Variants in ADGRL3 observed in about 807,000 individuals in gnomAD.
ADGRL3 encodes calcium-independent alpha-latrotoxin receptor 3.
A neutral mutation model predicts 153.5 loss-of-function variants in ADGRL3; 62 were observed. That is an observed-to-expected ratio of 0.40 (90% confidence interval 0.33 to 0.50). The LOEUF (loss-of-function observed/expected upper bound fraction) is 0.50. Ranked by LOEUF, ADGRL3 falls within the 20% of genes least tolerant of loss-of-function variation. The pLI is 0.47. For missense variants in ADGRL3, 1,641 were observed against 1,859.4 expected, an observed-to-expected ratio of 0.88 and a Z score of 2.16; for synonymous variants, 710 against 672.5, an observed-to-expected ratio of 1.06 and a Z score of -0.86.
At chr4:62,069,804 C>T (rs570582392) in intron 26 of ADGRL3, among the ~76,000 whole-genome samples, 12 of 152,134 alleles carry the variant, frequency 7.9e-5, no homozygotes, top group Non-Finnish European at 1.6e-4. Flanking sequence ...AAATATACTT[C>T]AAATAATGTC....
chr4:61,973,935 C>T (rs1437147657), intron 17 of ADGRL3, among the ~76,000 whole-genome samples: 1 of 152,096 alleles, frequency 6.6e-6, no homozygotes, highest in Admixed American at 6.5e-5. Context: ...AATCTGCTGT[C>T]TTCATCTGCT....
chr4:61,336,762 A>G (rs2095685229), intron 1 of ADGRL3, among the ~76,000 whole-genome samples: 1 of 151,620 alleles, frequency 6.6e-6, no homozygotes, highest in South Asian at 2.1e-4. Flanking sequence ...CTCCATTACG[A>G]CTGGGTTTTG....
intron 8 of ADGRL3, among the ~76,000 whole-genome samples, chr4:61,755,158 G>C (rs1267095496): frequency 3.9e-5 from 6 of 152,086 alleles, no homozygotes; most frequent in Non-Finnish European, 5.9e-5. Flanking sequence ...TGGGTCAAAT[G>C]GTATTTCTAG....
At chr4:61,438,707 TTTC>T (rs2097485768) in intron 2 of ADGRL3, among the ~76,000 whole-genome samples, 2 of 42,324 alleles carry the variant, frequency 4.7e-5, no homozygotes, top group Non-Finnish European at 1.1e-4. Flanking sequence ...ACGATCTTTC[TTTC>T]TTTTTTTTTT....
At chr4:61,253,899 A>T (rs10015703) in intron 1 of ADGRL3, among the ~76,000 whole-genome samples, 3,646 of 152,268 alleles carry the variant, frequency 0.024, 140 homozygotes, top group African/African-American at 0.08. Context: ...TGATCTCTAA[A>T]TGCTCTTGCA....
chr4:61,388,138 C>T (rs763038037), intron 2 of ADGRL3, among the ~76,000 whole-genome samples: 1 of 152,044 alleles, frequency 6.6e-6, no homozygotes, highest in South Asian at 2.1e-4. Flanking sequence ...ATAAAATACA[C>T]AAAACAACTG....
chr4:61,763,700 AGTATT>A (rs2096939747), intron 8 of ADGRL3, among the ~76,000 whole-genome samples: 1 of 152,186 alleles, frequency 6.6e-6, no homozygotes, highest in African/African-American at 2.4e-5. Flanking sequence ...TGAATGTTTC[AGTATT>A]GTATTCTATT....
chr4:61,705,468 A>G (rs575596176), intron 6 of ADGRL3, among the ~76,000 whole-genome samples: 1 of 148,536 alleles, frequency 6.7e-6, no homozygotes, highest in East Asian at 2.0e-4. Context: ...TATATAAGTT[A>G]TAGATTACAT....
chr4:61,744,012 T>C (rs1247913181), intron 8 of ADGRL3, among the ~76,000 whole-genome samples: 4 of 152,142 alleles, frequency 2.6e-5, no homozygotes, highest in African/African-American at 4.8e-5. Context: ...CCCACCCCCA[T>C]ACTGAGCTTT....
At chr4:61,627,117 C>A (rs2092879769) in intron 5 of ADGRL3, among the ~76,000 whole-genome samples, 1 of 152,068 alleles carries the variant, frequency 6.6e-6, no homozygotes, top group Admixed American at 6.6e-5. Context: ...TTTTTATTAT[C>A]AATTACCATT....
intron 1 of ADGRL3, among the ~76,000 whole-genome samples, chr4:61,361,974 A>G (rs1443365078): frequency 8.0e-5 from 12 of 149,192 alleles, no homozygotes; most frequent in Non-Finnish European, 1.6e-4. Context: ...TGATATAATC[A>G]TATATATAAA....
At position 61,895,747 on chromosome 4, in the gene ADGRL3, A is replaced by G. The variant is rs1452542573; in HGVS notation, c.1800A>G (p.Leu600=). Residue 600 remains leucine (L), a synonymous_variant, in exon 11 of 27, where the codon CTA becomes CTG. Coordinates refer to ENST00000683033, the MANE Select transcript of ADGRL3 (RefSeq NM_001387552.1). The stretch of plus-strand genomic sequence containing the variant: ...TTATTACAGGTGTATCAACTTATCT[A>G]TGCCTTGCTCCTGATGGAATTTGGG... ...PAGTIGVSTY[L]CLAPDGIWDP... 4 of 1,595,350 alleles carry G rather than the reference A, an allele frequency of 2.5e-6. No homozygotes were observed. The highest frequency in any genetic ancestry group is 1.7e-5 in the Admixed American group (1 of 58,336).
chr4:61,319,983 T>C (rs1031348692), intron 1 of ADGRL3, among the ~76,000 whole-genome samples: 1 of 152,152 alleles, frequency 6.6e-6, no homozygotes, highest in African/African-American at 2.4e-5. Flanking sequence ...AAGGTGATCA[T>C]GGTTAAATGA....
chr4:61,897,403 T>C lies in ADGRL3; in HGVS notation c.1887+1569T>C, dbSNP rs528014529. Among the ~76,000 whole-genome samples the C allele has an allele frequency of 2.6e-5, 4 of 152,322 alleles. No individual in the cohort carries two copies. In the East Asian group the frequency reaches 5.8e-4, roughly 22 times the overall value. ...GCTTATGTAACTTGTCCAAGGTCAG[T>C]GGTGGAGCTAATATTTTAGTTGAGA... On this transcript the variant is annotated intron_variant, in intron 11 of 26. Transcript: ENST00000683033.
chr4:62,030,773 A>C (rs528166468), intron 22 of ADGRL3, among the ~76,000 whole-genome samples: 1 of 151,666 alleles, frequency 6.6e-6, no homozygotes, highest in African/African-American at 2.4e-5. Context: ...TCTAAAATCT[A>C]CTACAGCATA....
intron 9 of ADGRL3, among the ~76,000 whole-genome samples, chr4:61,864,185 G>A (rs755649441): frequency 6.6e-5 from 10 of 152,016 alleles, no homozygotes; most frequent in Non-Finnish European, 1.5e-4. Flanking sequence ...TTTAAAAGCT[G>A]GTAATAATCT....
chr4:62,048,023 A>C (rs1215282749), intron 25 of ADGRL3, among the ~76,000 whole-genome samples: 1 of 152,124 alleles, frequency 6.6e-6, no homozygotes, highest in Non-Finnish European at 1.5e-5. Context: ...TCATTGGTTC[A>C]TTTAAATATT....
intron 2 of ADGRL3, among the ~76,000 whole-genome samples, chr4:61,407,779 A>T (rs7672885): frequency 0.031 from 4,646 of 152,256 alleles, 222 homozygotes; most frequent in East Asian, 0.21. Flanking sequence ...AGCTATAAAA[A>T]CACTTTTGGC....
In ADGRL3 at chr4:61,861,723, T is replaced by TA. The variant is rs1325870959; in HGVS notation, c.1481-30932dup. On this transcript the variant is annotated intron_variant, in intron 9 of 26. Transcript: ENST00000683033. ...GGGCATAGTAGGATTGGTTTGTTTT[T>TA]ACTCCACCATGTCTACGGACACAGC... Among the ~76,000 whole-genome samples the TA allele has an allele frequency of 5.3e-5, 8 of 152,212 alleles. No homozygotes were observed. In the East Asian group the frequency reaches 1.6e-3, roughly 30 times the overall value.
Sources: gnomAD v4.1 joint callset for allele counts (sites outside exome capture counted in the v4.1 genomes callset) on GRCh38, gnomAD v4.1.1 for gene constraint, MANE v1.5 for transcripts, NCBI Gene and HGNC (gene_info 2026-07-23, HGNC 2026-07-21) for gene names.